Variants in UBE2E2 observed in about 807,000 individuals in gnomAD.
UBE2E2 encodes ubiquitin conjugating enzyme E2 E2.
Under a neutral mutation model 24.7 loss-of-function variants are expected in UBE2E2, and 6 were observed. The ratio of observed to expected loss-of-function variants is 0.24; its 90% confidence interval spans 0.13 to 0.48. The LOEUF is 0.48. Ranked by LOEUF, UBE2E2 falls within the 20% of genes least tolerant of loss-of-function variation. The pLI, the probability that UBE2E2 is intolerant of heterozygous loss-of-function variation, is 0.99. For synonymous variants in UBE2E2, 104 were observed against 83.6 expected (o/e 1.24, Z -1.33); for missense variants, 169 against 245.0 (o/e 0.69, Z 2.07).
intron 3 of UBE2E2, among the ~76,000 whole-genome samples, chr3:23,314,282 C>G (rs1470163124): frequency 6.6e-6 from 1 of 152,134 alleles, no homozygotes; most frequent in Non-Finnish European, 1.5e-5. Context: ...GTGCACACCA[C>G]CATGCCTGGC....
intron 3 of UBE2E2, among the ~76,000 whole-genome samples, chr3:23,487,986 A>AT (rs577010442): frequency 4.0e-5 from 6 of 148,734 alleles, no homozygotes; most frequent in African/African-American, 1.2e-4. Flanking sequence ...TGTAAGGAAT[A>AT]TTTAAAAAAA....
chr3:23,210,356 A>ATGAT lies in UBE2E2; in HGVS notation c.176+1484_176+1487dup, dbSNP rs1389315782. 2.6e-5 allele frequency among the ~76,000 whole-genome samples: 4 copies of ATGAT among 152,300 alleles called. No homozygotes were observed. In the East Asian group the frequency reaches 7.7e-4, roughly 29 times the overall value. On this transcript the variant is annotated intron_variant, in intron 2 of 5. Coordinates refer to ENST00000396703, the MANE Select transcript of UBE2E2 (RefSeq NM_152653.4). Reference sequence around the variant, plus strand: ...TTCTGCTGGGCCTGTGCTTTATTCTATGATTGCTAGTTAGCAAAGTCACCT... The same window carrying ATGAT: ...TTCTGCTGGGCCTGTGCTTTATTCTATGATTGATTGCTAGTTAGCAAAGTCACCT...
intron 3 of UBE2E2, among the ~76,000 whole-genome samples, chr3:23,404,477 C>T (rs556249599): frequency 1.8e-3 from 269 of 152,210 alleles, no homozygotes; most frequent in Admixed American, 4.8e-3. Context: ...CCAGTTGACC[C>T]TACATTAGTA....
chr3:23,443,644 C>T (rs191411257), intron 3 of UBE2E2, among the ~76,000 whole-genome samples: 69 of 152,272 alleles, frequency 4.5e-4, no homozygotes, highest in East Asian at 3.5e-3. Flanking sequence ...AACTGCCCCC[C>T]GAGGCATGAG....
intron 3 of UBE2E2, among the ~76,000 whole-genome samples, chr3:23,382,506 T>G (rs1385448975): frequency 6.6e-6 from 1 of 152,194 alleles, no homozygotes; most frequent in Non-Finnish European, 1.5e-5. Context: ...TAAACACTGG[T>G]TTTACTATAT....
At chr3:23,484,640 A>G (rs1699322579) in intron 3 of UBE2E2, among the ~76,000 whole-genome samples, 1 of 152,194 alleles carries the variant, frequency 6.6e-6, no homozygotes, top group Non-Finnish European at 1.5e-5. Flanking sequence ...ACTGCTGTGA[A>G]GAAATACCCA....
At chr3:23,555,902 C>G (rs1695767707) in intron 5 of UBE2E2, among the ~76,000 whole-genome samples, 1 of 151,950 alleles carries the variant, frequency 6.6e-6, no homozygotes. Context: ...AGATGTAGGT[C>G]AAAGGATATA....
intron 1 of UBE2E2, among the ~76,000 whole-genome samples, chr3:23,208,363 A>G (rs1278085832): frequency 2.6e-5 from 4 of 152,206 alleles, no homozygotes; most frequent in Non-Finnish European, 4.4e-5. Flanking sequence ...TTTTATGGCT[A>G]ACAGTACATT....
intron 3 of UBE2E2, among the ~76,000 whole-genome samples, chr3:23,269,173 C>CA (rs1220590442): frequency 3.3e-5 from 5 of 152,110 alleles, no homozygotes; most frequent in Non-Finnish European, 7.4e-5. Context: ...ACACCAAAAG[C>CA]ATGGCAACAA....
intron 5 of UBE2E2, among the ~76,000 whole-genome samples, chr3:23,559,411 G>C (rs1041288702): frequency 2.0e-5 from 3 of 151,992 alleles, no homozygotes; most frequent in African/African-American, 7.2e-5. Context: ...AGATTACCTG[G>C]AGGCCCTTCT....
intron 3 of UBE2E2, among the ~76,000 whole-genome samples, chr3:23,440,455 C>G (rs1284689384): frequency 6.6e-6 from 1 of 152,182 alleles, no homozygotes; most frequent in Non-Finnish European, 1.5e-5. Flanking sequence ...AAATACTGAC[C>G]TGCATTATCT....
At chr3:23,204,738 CTT>C (rs1696099470) in intron 1 of UBE2E2, 1 of 985,266 alleles carries the variant, frequency 1.0e-6, no homozygotes, top group African/African-American at 1.7e-5. Context: ...GCATAAATGT[CTT>C]TGCAGTTAAA....
At chr3:23,422,755 A>C (rs1697832167) in intron 3 of UBE2E2, among the ~76,000 whole-genome samples, 1 of 152,232 alleles carries the variant, frequency 6.6e-6, no homozygotes, top group Non-Finnish European at 1.5e-5. Flanking sequence ...TAGAAATAGA[A>C]TAGGATGTTT....
intron 3 of UBE2E2, among the ~76,000 whole-genome samples, chr3:23,243,890 T>C (rs1273198964): frequency 6.6e-6 from 1 of 152,154 alleles, no homozygotes; most frequent in Non-Finnish European, 1.5e-5. Context: ...TATATTAAAA[T>C]TATGATGCCT....
At chr3:23,552,961 T>G (rs1252080231) in intron 5 of UBE2E2, among the ~76,000 whole-genome samples, 1 of 152,204 alleles carries the variant, frequency 6.6e-6, no homozygotes, top group African/African-American at 2.4e-5. Flanking sequence ...GTAAATTTTT[T>G]TATGTTAAGA....
intron 3 of UBE2E2, among the ~76,000 whole-genome samples, chr3:23,454,156 A>G (rs188855664): frequency 6.6e-6 from 1 of 152,206 alleles, no homozygotes; most frequent in Non-Finnish European, 1.5e-5. Context: ...TAAGAAGCTA[A>G]TGAATTTTTA....
At chr3:23,335,658 C>T (rs2125305225) in intron 3 of UBE2E2, among the ~76,000 whole-genome samples, 1 of 152,276 alleles carries the variant, frequency 6.6e-6, no homozygotes, top group South Asian at 2.1e-4. Flanking sequence ...CCTCAGCCTC[C>T]TGAGTAGCTG....
chr3:23,301,166 A>T (rs956508792), intron 3 of UBE2E2, among the ~76,000 whole-genome samples: 7 of 152,008 alleles, frequency 4.6e-5, no homozygotes, highest in South Asian at 2.1e-4. Context: ...TGCATTAGTT[A>T]TTCTAGTTAT....
intron 5 of UBE2E2, among the ~76,000 whole-genome samples, chr3:23,587,241 T>C (rs1696646153): frequency 6.6e-6 from 1 of 152,198 alleles, no homozygotes; most frequent in African/African-American, 2.4e-5. Context: ...TGTTTCTCCT[T>C]TTGCCTGTAC....
Sources: gnomAD v4.1 joint callset for allele counts (sites outside exome capture counted in the v4.1 genomes callset) on GRCh38, gnomAD v4.1.1 for gene constraint, MANE v1.5 for transcripts, NCBI Gene and HGNC (gene_info 2026-07-23, HGNC 2026-07-21) for gene names.